The following PCDHA1 variants were observed in gnomAD, a reference collection of about 807,000 sequenced individuals.
PCDHA1 encodes the protein protocadherin alpha 1.
Under a neutral mutation model 61.3 loss-of-function variants are expected in PCDHA1, and 42 were observed. That is an observed-to-expected ratio of 0.69 (90% confidence interval 0.54 to 0.89). PCDHA1 has a LOEUF of 0.89. PCDHA1 is among the 40% of genes least tolerant of loss of function. PCDHA1 has a pLI of 0.00. For missense variants in PCDHA1, 1,256 were observed against 1,235.3 expected, an observed-to-expected ratio of 1.02 and a Z score of -0.25; for synonymous variants, 610 against 553.8, an observed-to-expected ratio of 1.10 and a Z score of -1.43.
Position 140,882,649 on chromosome 5 carries a change from C to G in PCDHA1, c.2394+93965C>G, listed in dbSNP as rs559940161. The G allele has an allele frequency of 3.7e-6, 6 of 1,614,096 alleles. No homozygotes were observed. In the Admixed American group the frequency reaches 1.0e-4, roughly 27 times the overall value. On this transcript the variant is annotated intron_variant, in intron 1 of 3. Coordinates refer to ENST00000504120, the MANE Select transcript of PCDHA1 (RefSeq NM_018900.4). ...TGGAGGTGAAGGTGAGGGACATTAACGACAACCCGCCCATATTCCCTGAAA... is the reference window on the plus strand; with the variant it reads ...TGGAGGTGAAGGTGAGGGACATTAAGGACAACCCGCCCATATTCCCTGAAA...
At position 140,968,115 on chromosome 5, in the gene PCDHA1, C is replaced by T. The variant is rs199565711; in HGVS notation, c.2395-10834C>T. On this transcript the variant is annotated intron_variant, in intron 1 of 3. Coordinates refer to ENST00000504120, the MANE Select transcript of PCDHA1 (RefSeq NM_018900.4). ...ACAGATGGGGGAATACCGCAGCTCACATCCCTGCGTACACTGAAGGTTGAG... is the reference window on the plus strand; with the variant it reads ...ACAGATGGGGGAATACCGCAGCTCATATCCCTGCGTACACTGAAGGTTGAG... 8.7e-6 allele frequency: 14 copies of T among 1,614,068 alleles called. No individual in the cohort carries two copies. In the Admixed American group the frequency reaches 1.2e-4, roughly 13 times the overall value.
chr5:140,926,665 G>C, intron 1 of PCDHA1: 1 of 538,906 alleles, frequency 1.9e-6, no homozygotes, highest in Non-Finnish European at 2.9e-6. Context: ...TTTCCCAGAC[G>C]GCTGCCCAGC....
At chr5:140,967,236 T>C (rs142898054) in intron 1 of PCDHA1, 53 of 1,613,562 alleles carry the variant, frequency 3.3e-5, no homozygotes, top group Non-Finnish European at 4.2e-5. Context: ...CAGCTTCAGG[T>C]AAGCGAATCG....
rs782609302 is a variant in PCDHA1 at position 140,875,595 on chromosome 5, C to T, written c.2394+86911C>T. The T allele has an allele frequency of 6.2e-6, 10 of 1,613,842 alleles. No individual in the cohort carries two copies. The African/African-American group carries it at 8.0e-5, about 13-fold the overall frequency. ...ACTCCGTCTACGAGGAGGCCAAACA[C>T]GGCACCTTCGTGGGCCGCATCGCTC... On this transcript the variant is annotated intron_variant, in intron 1 of 3. Transcript: ENST00000504120.
At chr5:140,859,579 G>A in intron 1 of PCDHA1, 1 of 171,440 alleles carries the variant, frequency 5.8e-6, no homozygotes, top group Non-Finnish European at 1.2e-5. Flanking sequence ...TTGTCATCTT[G>A]CCTATGGCTC....
chr5:140,814,732 A>T (rs1021205164), intron 1 of PCDHA1: 3 of 152,210 alleles, frequency 2.0e-5, no homozygotes, highest in African/African-American at 7.2e-5. Context: ...TTTCAGCTCC[A>T]TTATAATCTT....
chr5:140,836,804 T>A, intron 1 of PCDHA1: 12 of 1,321,042 alleles, frequency 9.1e-6, no homozygotes, highest in Non-Finnish European at 9.3e-6. Context: ...CTCCTTAAAT[T>A]TTCTTTCATA....
chr5:140,979,999 C>G (rs1563478157), intron 2 of PCDHA1, among the ~76,000 whole-genome samples: 1 of 152,172 alleles, frequency 6.6e-6, no homozygotes, highest in African/African-American at 2.4e-5. Context: ...TTAACATACT[C>G]TCAAGCATTA....
intron 1 of PCDHA1, among the ~76,000 whole-genome samples, chr5:140,798,950 C>T (rs1309510759): frequency 2.0e-5 from 3 of 152,170 alleles, no homozygotes; most frequent in African/African-American, 7.2e-5. Context: ...AGTGATCTTA[C>T]CTTTAGCCAT....
At chr5:140,907,773 G>C (rs2073598085) in intron 1 of PCDHA1, among the ~76,000 whole-genome samples, 1 of 152,200 alleles carries the variant, frequency 6.6e-6, no homozygotes, top group Admixed American at 6.5e-5. Flanking sequence ...GGTGATGACA[G>C]GGGTGGCTGG....
At position 140,808,562 on chromosome 5, in the gene PCDHA1, G is replaced by A; in HGVS notation, c.2394+19878G>A. The A allele has an allele frequency of 1.9e-6, 3 of 1,614,108 alleles. No homozygotes were observed. The highest frequency in any genetic ancestry group is 1.1e-5 in the South Asian group (1 of 91,086). The stretch of plus-strand genomic sequence containing the variant: ...CAACGCTCCGGCGTTCGCGCAGCCC[G>A]AGTACACAGTGTTCGTGAAGGAGAA... On this transcript the variant is annotated intron_variant, in intron 1 of 3. Transcript: ENST00000504120.
intron 1 of PCDHA1, chr5:140,968,416 G>A: frequency 1.2e-6 from 2 of 1,613,992 alleles, no homozygotes; most frequent in Non-Finnish European, 1.7e-6. Context: ...TGACTGTGGA[G>A]GCTCAGGACA....
At chr5:140,876,168 C>A in intron 1 of PCDHA1, 5 of 1,613,918 alleles carry the variant, frequency 3.1e-6, no homozygotes, top group Non-Finnish European at 4.2e-6. Context: ...AAATAACCGT[C>A]CTGGATGTGA....
intron 1 of PCDHA1, among the ~76,000 whole-genome samples, chr5:140,826,318 TG>T (rs201431097): frequency 0.015 from 2,328 of 152,304 alleles, 62 homozygotes; most frequent in African/African-American, 0.052. Flanking sequence ...TTTTGGGGAT[TG>T]TTTTTGGTTA....
Position 140,893,497 on chromosome 5 carries a change from GA to G in PCDHA1, c.2395-85443del, listed in dbSNP as rs1157700367. Among the ~76,000 whole-genome samples the G allele has an allele frequency of 3.1e-4, 47 of 150,168 alleles. No individual in the cohort carries two copies. The Middle Eastern group carries it at 0.01, about 33-fold the overall frequency. ...GCAAGACCCTGTTCTTCACAAAAAAGAAAAAAAAAGCAGTTGTAGAACTCCT... is the reference window on the plus strand; with the variant it reads ...GCAAGACCCTGTTCTTCACAAAAAAGAAAAAAAAGCAGTTGTAGAACTCCT... On this transcript the variant is annotated intron_variant, in intron 1 of 3. Transcript: ENST00000504120.
intron 1 of PCDHA1, chr5:140,824,193 C>T: frequency 1.2e-6 from 2 of 1,601,982 alleles, no homozygotes; most frequent in Non-Finnish European, 1.7e-6. Context: ...GTCACATTCA[C>T]CCACTTTTTT....
At chr5:140,852,353 C>A (rs1349870360) in intron 1 of PCDHA1, 2 of 209,384 alleles carry the variant, frequency 9.6e-6, no homozygotes, top group African/African-American at 4.8e-5. Flanking sequence ...TCTTGGCTCA[C>A]TGCAACGTCT....
chr5:140,829,602 T>C, intron 1 of PCDHA1: 1 of 1,612,054 alleles, frequency 6.2e-7, no homozygotes, highest in Non-Finnish European at 8.5e-7. Flanking sequence ...GAGCGCGCGT[T>C]GTCGAGCTAC....
chr5:140,802,466 G>T, intron 1 of PCDHA1: 1 of 1,614,230 alleles, frequency 6.2e-7, no homozygotes, highest in Admixed American at 1.7e-5. Flanking sequence ...CCTATGAGCT[G>T]GTGGTGACTG....
Sources: allele counts gnomAD v4.1 joint callset (sites outside exome capture counted in the v4.1 genomes callset), GRCh38; gene constraint gnomAD v4.1.1; transcripts MANE v1.5; gene names NCBI Gene and HGNC (gene_info 2026-07-23, HGNC 2026-07-21).